Variants in HCN2 observed in about 807,000 individuals in gnomAD.
HCN2 encodes the protein hyperpolarization activated cyclic nucleotide gated potassium and sodium channel 2, also known as potassium/sodium hyperpolarization-activated cyclic nucleotide-gated channel 2.
HCN2 carries 20 observed loss-of-function variants against 52.3 expected under a neutral mutation model. The observed-to-expected ratio is 0.38, with a 90% confidence interval of 0.27 to 0.56. The LOEUF is 0.56. HCN2 is among the 20% of genes least tolerant of loss of function. The pLI, the probability that HCN2 is intolerant of heterozygous loss-of-function variation, is 0.71. For synonymous variants in HCN2, 694 were observed against 537.0 expected (o/e 1.29, Z -4.04); for missense variants, 981 against 1,207.7 (o/e 0.81, Z 2.78).
chr19:608,220 G>A, intron 4 of HCN2, 38 bp downstream of exon 4: 2 of 1,580,048 alleles, frequency 1.3e-6, no homozygotes, highest in South Asian at 1.1e-5. Flanking sequence ...GTTCTGATGG[G>A]GGAGGCGGGC....
chr19:597,170 C>T (rs959592915), intron 1 of HCN2, among the ~76,000 whole-genome samples: 7 of 152,226 alleles, frequency 4.6e-5, no homozygotes, highest in African/African-American at 1.7e-4. Context: ...CTGCTCTGAC[C>T]CCCGTAATCC....
rs1218322801 is a variant in HCN2, at chr19:616,307, G to A, written c.2503G>A (p.Ala835Thr). Residue 835 changes from alanine to threonine, a missense_variant, in exon 8 of 8, where the codon GCG becomes ACG. By Grantham distance (58) the Ala-to-Thr change is moderately conservative. Around this residue, in one of 6 missense-constraint regions of HCN2, gnomAD observed 368 missense variants for 314.8 expected, o/e 1.17. Transcript: ENST00000251287. ...PSLPHGAPGP[A>T]ASTRPASSST... Reference sequence around the variant, plus strand: ...GCTGCCTCACGGCGCCCCCGGCCCCGCGGCCTCCACACGCCCGGCCAGCAG... The same window carrying A: ...GCTGCCTCACGGCGCCCCCGGCCCCACGGCCTCCACACGCCCGGCCAGCAG... 2 of 1,110,684 alleles carry A rather than the reference G, an allele frequency of 1.8e-6. No individual in the cohort carries two copies. The highest frequency in any genetic ancestry group is 6.9e-5 in the East Asian group (1 of 14,412). The allele number at this position is 1,110,684 out of a possible 1,614,324, so 68.8% of individuals were successfully genotyped here.
chr19:615,791 G>A lies in HCN2; in HGVS notation c.1991-4G>A, dbSNP rs56124245. The A allele has an allele frequency of 8.1e-6, 13 of 1,610,948 alleles. No homozygotes were observed. The highest frequency in any genetic ancestry group is 5.0e-5 in the Admixed American group (3 of 59,910). On this transcript the variant is annotated splice_polypyrimidine_tract_variant and splice_region_variant and intron_variant, in intron 7 of 7. Transcript: ENST00000251287. ...TGCACACGCTAACGCCCCCTCTCCC[G>A]CAGGCAAGAAGAATTCCATCCTCCT... is the stretch of plus-strand genomic sequence containing the variant.
Position 615,820 on chromosome 19 carries a change from C to G in HCN2, c.2016C>G (p.His672Gln). ...GCAAGAAGAATTCCATCCTCCTGCA[C>G]AAGGTGCAGCATGACCTCAACTCGG... Reference protein sequence around the residue: ...RIGKKNSILLHKVQHDLNSGV... With the variant: ...RIGKKNSILLQKVQHDLNSGV... Residue 672 changes from histidine to glutamine, a missense_variant, in exon 8 of 8, where the codon CAC (histidine) becomes CAG (glutamine). Transcript: ENST00000251287. 6.2e-7 allele frequency: 1 copy of G among 1,612,278 alleles called. No homozygotes were observed. Among genetic ancestry groups the G allele is most frequent in the Non-Finnish European group, 8.5e-7 (1 of 1,179,642 alleles).
Position 616,353 on chromosome 19 carries a change from C to A in HCN2, c.2549C>A (p.Pro850His). ...AGCAGCTCCACACCGCGCTTGGGGC[C>A]CACGCCCGCTGCCCGGGCCGCCGCG... ...PASSSTPRLG[P>H]TPAARAAAPS... The change falls in exon 8 of 8, where the codon CCC becomes CAC. Residue 850 changes from proline to histidine, a missense_variant. Coordinates refer to ENST00000251287, the MANE Select transcript of HCN2 (RefSeq NM_001194.4). 8.2e-7 allele frequency: 1 copy of A among 1,214,272 alleles called. No homozygotes were observed. The allele number at this position is 1,214,272 out of a possible 1,614,324, so 75.2% of individuals were successfully genotyped here. A position where few individuals can be genotyped will look rare whatever the true frequency, so the allele number is the denominator to read the frequency against.
chr19:605,288 C>T (rs1983384622), intron 3 of HCN2, 66 bp downstream of exon 3: 1 of 1,504,450 alleles, frequency 6.6e-7, no homozygotes, highest in Non-Finnish European at 9.0e-7. Flanking sequence ...GACCCAGGCC[C>T]CCTTATCCCG....
chr19:613,866 A>G lies in HCN2; in HGVS notation c.1840A>G (p.Thr614Ala), dbSNP rs1451163873. ...GCCACGTGCAGAGATCTGCCTGCTC[A>G]CCCGGGGCCGCCGCACGGCGAGCGT... ...GSYFGEICLL[T>A]RGRRTASVRA... Residue 614 changes from threonine (T) to alanine (A), a missense_variant, in exon 7 of 8, where the codon ACC (threonine) becomes GCC (alanine). By Grantham distance (58) the Thr-to-Ala change is moderately conservative. Transcript: ENST00000251287. The G allele has an allele frequency of 1.9e-6, 3 of 1,587,088 alleles. No homozygotes were observed. Among genetic ancestry groups the G allele is most frequent in the African/African-American group, 1.4e-5 (1 of 72,004 alleles).
intron 3 of HCN2, among the ~76,000 whole-genome samples, chr19:606,767 G>A (rs778253416): frequency 6.7e-5 from 10 of 150,348 alleles, no homozygotes; most frequent in African/African-American, 1.7e-4. Flanking sequence ...CAGGAGAATC[G>A]CTTGAACCCG....
chr19:615,638 G>A (rs961013298), intron 7 of HCN2, among the ~76,000 whole-genome samples, 157 bp from the exon 8 acceptor site: 3 of 152,250 alleles, frequency 2.0e-5, no homozygotes, highest in Admixed American at 6.5e-5. Flanking sequence ...GGCCAGAGAT[G>A]CTACATATGT....
At chr19:611,202 G>T (rs1983621293) in intron 5 of HCN2, among the ~76,000 whole-genome samples, 1 of 152,238 alleles carries the variant, frequency 6.6e-6, no homozygotes, top group African/African-American at 2.4e-5. Flanking sequence ...CTTTCTGGGA[G>T]ATGTAGTTCA....
Position 616,154 on chromosome 19 carries a change from C to T in HCN2, c.2350C>T (p.Pro784Ser). The T allele has an allele frequency of 1.0e-6, 1 of 963,496 alleles. No homozygotes were observed. The highest frequency in any genetic ancestry group is 1.2e-6 in the Non-Finnish European group (1 of 813,348). 59.7% of individuals were successfully genotyped at this position (963,496 alleles called of 1,614,324 possible). A position where few individuals can be genotyped will look rare whatever the true frequency, so the allele number is the denominator to read the frequency against. ...GCCCCCCGCCAGCCCCCCGGGCGCG[C>T]CCGCCAGCCCCCGGGCACCGCGGAC... ...PPPPASPPGA[P>S]ASPRAPRTSP... is the part of the protein sequence containing the mutation. Residue 784 changes from proline (P) to serine (S), a missense_variant, in exon 8 of 8, where the codon CCC (proline) becomes TCC (serine). Physicochemically the swap from Pro to Ser is moderately conservative, Grantham distance 74. This residue lies in a region of HCN2 where 368 missense variants were observed against 314.8 expected (regional missense o/e 1.17). Transcript: ENST00000251287.
intron 3 of HCN2, among the ~76,000 whole-genome samples, 161 bp downstream of exon 3, chr19:605,383 G>C: frequency 8.6e-6 from 1 of 116,678 alleles, no homozygotes; most frequent in East Asian, 2.5e-4. Flanking sequence ...CCTTACAGAG[G>C]TGGGGACCCA....
chr19:604,992 G>A (rs529096958), intron 2 of HCN2, 69 bp from the exon 3 acceptor site: 16 of 1,534,382 alleles, frequency 1.0e-5, no homozygotes, highest in South Asian at 7.1e-5. Context: ...GGGGGCGCAC[G>A]GGGCTGGGGC....
chr19:600,064 C>T lies in HCN2; in HGVS notation c.633-3480C>T, dbSNP rs1174757122. On this transcript the variant is annotated intron_variant, in intron 1 of 7. Transcript: ENST00000251287. ...GAATCTTTGTGCTGGAAATTCAAGA[C>T]CCTCCCTTGTCTGAGTCAGGCACAC... Among the ~76,000 whole-genome samples, 3 of 152,180 alleles carry T rather than the reference C, an allele frequency of 2.0e-5. No homozygotes were observed. The East Asian group carries it at 5.8e-4, about 29-fold the overall frequency.
intron 1 of HCN2, among the ~76,000 whole-genome samples, chr19:602,726 T>A (rs142260673): frequency 0.033 from 5,052 of 152,342 alleles, 122 homozygotes; most frequent in Middle Eastern, 0.068. Context: ...AGGCACATTG[T>A]CCCTCTCTGG....
At chr19:611,432 G>C (rs530172613) in intron 5 of HCN2, among the ~76,000 whole-genome samples, 10 of 152,090 alleles carry the variant, frequency 6.6e-5, no homozygotes, top group African/African-American at 2.4e-4. Context: ...CACCTGGCTC[G>C]GGCAGAGGCC....
chr19:598,609 CCTT>C (rs1358759054), intron 1 of HCN2, among the ~76,000 whole-genome samples: 2 of 150,848 alleles, frequency 1.3e-5, no homozygotes, highest in African/African-American at 2.4e-5. Context: ...CCCACCCTTC[CCTT>C]CTTTTTTGAG....
In HCN2 at chr19:617,144, A is replaced by ACAGCAT; in HGVS notation, c.*671_*676dup. 1.2e-6 allele frequency: 1 copy of ACAGCAT among 854,930 alleles called. No individual in the cohort carries two copies. The highest frequency in any genetic ancestry group is 1.8e-6 in the Non-Finnish European group (1 of 549,220). The allele number at this position is 854,930 out of a possible 1,614,324, so 53.0% of individuals were successfully genotyped here. On this transcript the variant is annotated 3_prime_UTR_variant, in exon 8 of 8. Transcript: ENST00000251287. ...ACACCCCCATTCCGCGCAATAAACG[A>ACAGCAT]CAGCATTGGCGCCAAGCCTGGCCGC...
Position 616,489 on chromosome 19 carries a change from C to T in HCN2, c.*15C>T. The stretch of plus-strand genomic sequence containing the variant: ...CCAACTTGTGACCCTCGCCGACCGC[C>T]CCGCGGGCCCAGGCGGGCCGGGGGC... On this transcript the variant is annotated 3_prime_UTR_variant, in exon 8 of 8. Coordinates refer to ENST00000251287, the MANE Select transcript of HCN2 (RefSeq NM_001194.4). 2 of 1,214,406 alleles carry T rather than the reference C, an allele frequency of 1.6e-6. No individual in the cohort carries two copies. Among genetic ancestry groups the T allele is most frequent in the Non-Finnish European group, 2.1e-6 (2 of 973,948 alleles). 75.2% of individuals were successfully genotyped at this position (1,214,406 alleles called of 1,614,324 possible).
Sources: gnomAD v4.1 joint callset for allele counts (sites outside exome capture counted in the v4.1 genomes callset) on GRCh38, gnomAD v4.1.1 for gene constraint, gnomAD v4.1.1 regional missense constraint, MANE v1.5 for transcripts, NCBI Gene and HGNC (gene_info 2026-07-23, HGNC 2026-07-21) for gene names.